The following CADPS2 variants were observed in gnomAD, a reference collection of about 807,000 sequenced individuals.
CADPS2 encodes the protein calcium-dependent secretion activator 2.
Under a neutral mutation model 172.5 loss-of-function variants are expected in CADPS2, and 93 were observed. The observed-to-expected ratio is 0.54, with a 90% CI of 0.46 to 0.64. The LOEUF (loss-of-function observed/expected upper bound fraction) is 0.64. Among genes scored for constraint, CADPS2 ranks in the 30% least tolerant of loss-of-function variants. The probability of loss-of-function intolerance (pLI) is 0.00; values close to 1 mark genes in which losing one functional copy is unlikely to be tolerated. For synonymous variants in CADPS2, 546 were observed against 555.2 expected (o/e 0.98, Z 0.23); for missense variants, 1,420 against 1,565.9 (o/e 0.91, Z 1.57).
rs780129485 is a variant in CADPS2 at position 122,698,763 on chromosome 7, C to T, written c.454-35194G>A. The T allele has an allele frequency of 2.5e-6, 4 of 1,613,962 alleles. No homozygotes were observed. In the East Asian group the frequency reaches 8.9e-5, roughly 36 times the overall value. ...CTCCAGTCTCTCCCAACTCTGACAA[C>T]ACATGATTCCCAACATGAAATGATA... is the stretch of plus-strand genomic sequence containing the variant. On this transcript the variant is annotated intron_variant, in intron 2 of 29. Transcript: ENST00000449022.
chr7:122,537,472 C>T (rs549965138), intron 8 of CADPS2, among the ~76,000 whole-genome samples: 46 of 151,306 alleles, frequency 3.0e-4, no homozygotes, highest in Non-Finnish European at 5.3e-4. Flanking sequence ...AAAAACTCAA[C>T]ATAAGCAGAA....
At chr7:122,807,697 C>T (rs748261458) in intron 1 of CADPS2, among the ~76,000 whole-genome samples, 56 of 152,186 alleles carry the variant, frequency 3.7e-4, no homozygotes, top group Non-Finnish European at 5.7e-4. Flanking sequence ...GCCTCCTCCA[C>T]TGACTTGCAA....
At chr7:122,502,695 CAAAATATTTTACAAGAAT>C (rs1388121725) in intron 9 of CADPS2, among the ~76,000 whole-genome samples, 1 of 151,846 alleles carries the variant, frequency 6.6e-6, no homozygotes, top group Non-Finnish European at 1.5e-5. Flanking sequence ...ATTGAGCCGC[CAAAATATTTTACAAGAAT>C]AAAATAAACC....
Position 122,451,429 on chromosome 7 carries a change from C to T in CADPS2, c.2233G>A (p.Glu745Lys). 1 of 1,584,826 alleles carries T rather than the reference C, an allele frequency of 6.3e-7. No individual in the cohort carries two copies. The highest frequency in any genetic ancestry group is 8.6e-7 in the Non-Finnish European group (1 of 1,164,720). The change falls in exon 15 of 30, where the codon GAG becomes AAG. Residue 745 changes from glutamate (E) to lysine (K), a missense_variant. Coordinates refer to ENST00000449022, the MANE Select transcript of CADPS2 (RefSeq NM_017954.11). ...GAAGAGAGTCTCTCTTTTATCTCCT[C>T]AAATCTTTCTTTTTCTTCCACTGAA... is the stretch of plus-strand genomic sequence containing the variant. The part of the protein sequence containing the change: ...TVSVEEKERF[E>K]EIKERLSSLL...
At chr7:122,441,488 T>C (rs1286336669) in intron 16 of CADPS2, 24 bp downstream of exon 16, 2 of 1,477,788 alleles carry the variant, frequency 1.4e-6, no homozygotes, top group Non-Finnish European at 1.8e-6. Flanking sequence ...CAAATAGTAT[T>C]TATAAAGTAA....
chr7:122,735,761 T>A (rs1330308208), intron 2 of CADPS2, among the ~76,000 whole-genome samples: 6 of 152,190 alleles, frequency 3.9e-5, no homozygotes, highest in Non-Finnish European at 8.8e-5. Context: ...TATCTTTTTA[T>A]ACAGATTACT....
intron 19 of CADPS2, among the ~76,000 whole-genome samples, chr7:122,411,097 C>CTCCA (rs938054060): frequency 4.5e-4 from 69 of 152,128 alleles, no homozygotes; most frequent in South Asian, 8.3e-4. Flanking sequence ...CTCTCTCTCT[C>CTCCA]TCCATCCATC....
intron 2 of CADPS2, among the ~76,000 whole-genome samples, chr7:122,718,590 T>C (rs990382537): frequency 2.0e-5 from 3 of 152,110 alleles, no homozygotes; most frequent in East Asian, 3.9e-4. Context: ...TTCTCCGTTG[T>C]TAACAGTCTA....
At position 122,836,810 on chromosome 7, in the gene CADPS2, C is replaced by T. The variant is rs112787572; in HGVS notation, c.339+49189G>A. 5.6e-3 allele frequency among the ~76,000 whole-genome samples: 850 copies of T among 152,280 alleles called. 8 individuals carry two copies. The highest frequency in any genetic ancestry group is 0.02 in the African/African-American group (811 of 41,542). On this transcript the variant is annotated intron_variant, in intron 1 of 29. Transcript: ENST00000449022. ...TTAGAGATCTACAGAGAGACTTAGACTCTCACACAATAATAATGGGAGACT... is the reference window on the plus strand; with the variant it reads ...TTAGAGATCTACAGAGAGACTTAGATTCTCACACAATAATAATGGGAGACT...
chr7:122,838,029 A>G (rs1809120344), intron 1 of CADPS2, among the ~76,000 whole-genome samples: 1 of 152,256 alleles, frequency 6.6e-6, no homozygotes, highest in African/African-American at 2.4e-5. Flanking sequence ...AAAAATCCTC[A>G]ATAAAATACT....
intron 9 of CADPS2, among the ~76,000 whole-genome samples, chr7:122,499,849 A>T (rs1464087423): frequency 6.6e-6 from 1 of 151,982 alleles, no homozygotes; most frequent in Non-Finnish European, 1.5e-5. Flanking sequence ...GCTAATTCAT[A>T]AGTTTCTCAT....
chr7:122,783,202 A>C (rs548295370), intron 1 of CADPS2, among the ~76,000 whole-genome samples: 110 of 151,936 alleles, frequency 7.2e-4, no homozygotes, highest in East Asian at 2.9e-3. Flanking sequence ...CAAAAAAAAA[A>C]AAAAACAAAA....
At chr7:122,511,542 T>TA (rs2060003018) in intron 9 of CADPS2, among the ~76,000 whole-genome samples, 1 of 152,174 alleles carries the variant, frequency 6.6e-6, no homozygotes, top group Non-Finnish European at 1.5e-5. Context: ...CATCTGTGGT[T>TA]ATTGGGTTAC....
intron 19 of CADPS2, chr7:122,409,746 C>A: frequency 2.4e-6 from 1 of 408,404 alleles, no homozygotes; most frequent in Admixed American, 2.5e-5. Flanking sequence ...TTCTTGCCAT[C>A]CCACCCTGGG....
At chr7:122,790,691 A>C (rs1453528573) in intron 1 of CADPS2, among the ~76,000 whole-genome samples, 1 of 152,168 alleles carries the variant, frequency 6.6e-6, no homozygotes, top group East Asian at 1.9e-4. Context: ...TCATAGCCTC[A>C]GTCATTCTTC....
intron 25 of CADPS2, chr7:122,369,609 C>T (rs1464742282): frequency 6.6e-6 from 1 of 152,270 alleles, no homozygotes; most frequent in Non-Finnish European, 1.5e-5. Context: ...TAGTTAATAT[C>T]CTCCTTGACA....
intron 3 of CADPS2, among the ~76,000 whole-genome samples, chr7:122,640,952 T>C (rs990273355): frequency 1.2e-4 from 18 of 147,716 alleles, no homozygotes; most frequent in African/African-American, 4.3e-4. Flanking sequence ...AAAAAAAAAA[T>C]TGTTGACCCA....
At chr7:122,470,553 G>C (rs1365583922) in intron 14 of CADPS2, among the ~76,000 whole-genome samples, 2 of 151,940 alleles carry the variant, frequency 1.3e-5, no homozygotes, top group Non-Finnish European at 2.9e-5. Flanking sequence ...GGAGTGCAGT[G>C]GCATGATCTT....
At chr7:122,496,162 T>C (rs1220499075) in intron 9 of CADPS2, among the ~76,000 whole-genome samples, 4 of 150,472 alleles carry the variant, frequency 2.7e-5, no homozygotes, top group Non-Finnish European at 5.9e-5. Flanking sequence ...TATCTCTTTA[T>C]TTATTTATTT....
Sources: gnomAD v4.1 joint callset for allele counts (sites outside exome capture counted in the v4.1 genomes callset) on GRCh38, gnomAD v4.1.1 for gene constraint, MANE v1.5 for transcripts, NCBI Gene and HGNC (gene_info 2026-07-23, HGNC 2026-07-21) for gene names.